Variants in MAGEB10 observed in about 807,000 individuals in gnomAD.
The protein encoded by MAGEB10 is MAGE family member B10, also known as melanoma-associated antigen B10.
For missense variants in MAGEB10, 190 were observed against 261.9 expected, an observed-to-expected ratio of 0.73 and a Z score of 1.89; for synonymous variants, 99 against 101.0, an observed-to-expected ratio of 0.98 and a Z score of 0.12.
intron 1 of MAGEB10, among the ~76,000 whole-genome samples, chrX:27,814,463 G>A (rs1380732431): frequency 1.8e-5 from 2 of 111,640 alleles, no homozygotes; most frequent in Admixed American, 1.9e-4. Context: ...CCTCAAATTT[G>A]CAAAGTAAAT....
intron 1 of MAGEB10, among the ~76,000 whole-genome samples, chrX:27,814,092 A>G (rs771317132): frequency 3.6e-4 from 40 of 111,477 alleles, no homozygotes; most frequent in African/African-American, 1.3e-3. Context: ...AAAAACTTGT[A>G]CTTTAAGTTC....
intron 2 of MAGEB10, among the ~76,000 whole-genome samples, chrX:27,820,848 T>C (rs1381716245): frequency 9.0e-6 from 1 of 111,411 alleles, no homozygotes; most frequent in Admixed American, 9.5e-5. Flanking sequence ...TGTGGTCAGA[T>C]GAGTTTCCCT....
chrX:27,821,194 A>G, intron 2 of MAGEB10, 64 bp from the exon 3 acceptor site: 1 of 646,838 alleles, frequency 1.5e-6, no homozygotes, highest in Non-Finnish European at 2.3e-6. Context: ...GGTGGCCGTC[A>G]ATAAAGCTAA....
At chrX:27,815,776 T>A (rs1282517465) in intron 1 of MAGEB10, among the ~76,000 whole-genome samples, 2 of 111,841 alleles carry the variant, frequency 1.8e-5, no homozygotes, top group African/African-American at 3.3e-5. Context: ...TAAAATAACA[T>A]ATTGATTAGA....
At chrX:27,808,848 C>G (rs1409700665) in intron 1 of MAGEB10, among the ~76,000 whole-genome samples, 1 of 112,096 alleles carries the variant, frequency 8.9e-6, no homozygotes. Context: ...GCTCTCAAGC[C>G]TGGGTGATCC....
intron 1 of MAGEB10, among the ~76,000 whole-genome samples, chrX:27,811,177 G>T (rs1238359660): frequency 9.1e-6 from 1 of 110,113 alleles, no homozygotes; most frequent in African/African-American, 3.3e-5. Context: ...CCTGATAGGG[G>T]TCCCTGGGGA....
intron 1 of MAGEB10, among the ~76,000 whole-genome samples, chrX:27,809,651 G>A (rs1244514361): frequency 1.3e-5 from 1 of 77,022 alleles, no homozygotes; most frequent in African/African-American, 4.9e-5. Flanking sequence ...CAGTCCCATC[G>A]ACCACCCAAG....
At chrX:27,808,994 C>T (rs778377840) in intron 1 of MAGEB10, among the ~76,000 whole-genome samples, 152 of 112,831 alleles carry the variant, frequency 1.3e-3, no homozygotes, top group African/African-American at 4.5e-3. Flanking sequence ...TCACAGCCCT[C>T]GCTGGCTCTT....
intron 1 of MAGEB10, among the ~76,000 whole-genome samples, chrX:27,808,455 TC>T (rs763940263): frequency 6.4e-4 from 71 of 111,534 alleles, no homozygotes; most frequent in African/African-American, 1.8e-3. Flanking sequence ...CACACACACT[TC>T]CGCTTCTGCC....
At chrX:27,816,646 C>T (rs956914887) in intron 1 of MAGEB10, among the ~76,000 whole-genome samples, 5 of 111,704 alleles carry the variant, frequency 4.5e-5, no homozygotes, top group Non-Finnish European at 9.4e-5. Context: ...TTGAGTGCAG[C>T]GGGGTGAACC....
intron 2 of MAGEB10, among the ~76,000 whole-genome samples, chrX:27,820,152 C>T (rs1385711235): frequency 1.8e-5 from 2 of 111,520 alleles, no homozygotes; most frequent in East Asian, 5.7e-4. Context: ...AACCACCCAC[C>T]ACAAAAGAGA....
At chrX:27,814,801 A>T (rs768329279) in intron 1 of MAGEB10, among the ~76,000 whole-genome samples, 11 of 111,955 alleles carry the variant, frequency 9.8e-5, no homozygotes, top group Non-Finnish European at 1.7e-4. Flanking sequence ...AATTAGAACC[A>T]TAGTCTGAAT....
intron 1 of MAGEB10, among the ~76,000 whole-genome samples, chrX:27,816,598 A>T (rs1459225264): frequency 8.9e-6 from 1 of 111,981 alleles, no homozygotes; most frequent in Non-Finnish European, 1.9e-5. Flanking sequence ...TCTTGAGATT[A>T]TAGAGGTCAT....
At chrX:27,810,346 C>T (rs751984468) in intron 1 of MAGEB10, among the ~76,000 whole-genome samples, 1 of 111,801 alleles carries the variant, frequency 8.9e-6, no homozygotes, top group South Asian at 3.8e-4. Context: ...AAGGAACAAA[C>T]TCCGGACACG....
intron 1 of MAGEB10, among the ~76,000 whole-genome samples, chrX:27,808,575 G>A (rs1433707142): frequency 1.8e-5 from 2 of 111,127 alleles, no homozygotes; most frequent in African/African-American, 6.6e-5. Context: ...AATGTTTGAG[G>A]GGAACCCCTA....
At chrX:27,808,480 G>T (rs1463643250) in intron 1 of MAGEB10, among the ~76,000 whole-genome samples, 1 of 111,885 alleles carries the variant, frequency 8.9e-6, no homozygotes, top group African/African-American at 3.2e-5. Context: ...CGTGGGAGGT[G>T]AGGCCTTGCA....
rs1923879517 is a variant in MAGEB10, at chrX:27,821,266, A to T, written c.-41A>T. Reference sequence around the variant, plus strand: ...CATCTTCTCTTCTCCAGGTCACGGGATCACCTGCCTTTTTGGCTGCTGCAC... The same window carrying T: ...CATCTTCTCTTCTCCAGGTCACGGGTTCACCTGCCTTTTTGGCTGCTGCAC... On this transcript the variant is annotated 5_prime_UTR_variant, in exon 3 of 3. Transcript: ENST00000356790. The T allele has an allele frequency of 1.8e-6, 2 of 1,122,749 alleles. No individual in the cohort carries two copies. Among genetic ancestry groups the T allele is most frequent in the Non-Finnish European group, 2.4e-6 (2 of 823,197 alleles). The allele number at this position is 1,122,749 out of a possible 1,213,427, so 92.5% of individuals were successfully genotyped here.
At position 27,817,876 on chromosome X, in the gene MAGEB10, C is replaced by G. The variant is rs758988218; in HGVS notation, c.-50+174C>G. On this transcript the variant is annotated intron_variant, in intron 2 of 2. Transcript: ENST00000356790. ...GAAAACCTCAATTAGTGAAGGACATCAGGAAAACTGGGCACTGGAACAATT... is the reference window on the plus strand; with the variant it reads ...GAAAACCTCAATTAGTGAAGGACATGAGGAAAACTGGGCACTGGAACAATT... Among the ~76,000 whole-genome samples the G allele has an allele frequency of 1.3e-4, 14 of 111,619 alleles. No individual in the cohort carries two copies. The East Asian group carries it at 3.7e-3, about 29-fold the overall frequency.
At chrX:27,815,102 C>T (rs1923758950) in intron 1 of MAGEB10, among the ~76,000 whole-genome samples, 1 of 111,761 alleles carries the variant, frequency 8.9e-6, no homozygotes, top group South Asian at 3.7e-4. Context: ...CCAGCACTTC[C>T]CAAATTACAC....
Sources: allele counts gnomAD v4.1 joint callset (sites outside exome capture counted in the v4.1 genomes callset), GRCh38; gene constraint gnomAD v4.1.1; transcripts MANE v1.5; gene names NCBI Gene and HGNC (gene_info 2026-07-23, HGNC 2026-07-21).